The following NTM variants were observed in gnomAD, a reference collection of about 807,000 sequenced individuals.
NTM encodes IgLON family member 2.
Under a neutral mutation model 42.1 loss-of-function variants are expected in NTM, and 13 were observed. The observed-to-expected ratio is 0.31, with a 90% confidence interval of 0.20 to 0.49. The LOEUF is 0.49. Among genes scored for constraint, NTM ranks in the 20% least tolerant of loss-of-function variants. The pLI, the probability that NTM is intolerant of heterozygous loss-of-function variation, is 0.99. For missense variants in NTM, 373 were observed against 452.8 expected (o/e 0.82, Z 1.60); for synonymous variants, 187 against 179.2 (o/e 1.04, Z -0.35).
chr11:131,524,661 G>A lies in NTM; in HGVS notation c.82+153773G>A, dbSNP rs1470591104. Reference sequence around the variant, plus strand: ...GTAAGACCTGCCTGAGTCTGAGACTGGGTTTTCCAGGAGACAGAATCTGAG... The same window carrying A: ...GTAAGACCTGCCTGAGTCTGAGACTAGGTTTTCCAGGAGACAGAATCTGAG... On this transcript the variant is annotated intron_variant, in intron 1 of 8. Coordinates refer to ENST00000683400, the MANE Select transcript of NTM (RefSeq NM_001352005.2). Among the ~76,000 whole-genome samples, 4 of 152,230 alleles carry A rather than the reference G, an allele frequency of 2.6e-5. No homozygotes were observed. In the East Asian group the frequency reaches 7.7e-4, roughly 29 times the overall value.
intron 1 of NTM, among the ~76,000 whole-genome samples, chr11:131,464,853 A>G (rs1951742191): frequency 6.6e-6 from 1 of 152,144 alleles, no homozygotes; most frequent in Non-Finnish European, 1.5e-5. Context: ...TTTTCCTAAA[A>G]TCCCCAAACC....
chr11:131,908,010 A>G (rs919052946), intron 1 of NTM, among the ~76,000 whole-genome samples: 2 of 152,176 alleles, frequency 1.3e-5, no homozygotes, highest in East Asian at 1.9e-4. Flanking sequence ...CTAAACTTCT[A>G]TGTTTGAATA....
intron 1 of NTM, among the ~76,000 whole-genome samples, chr11:131,563,896 C>T (rs1055430070): frequency 6.6e-6 from 1 of 152,068 alleles, no homozygotes; most frequent in Admixed American, 6.5e-5. Flanking sequence ...ACCATCTCTA[C>T]CGTTCCTTCG....
rs534978524 is a variant in NTM at position 131,417,504 on chromosome 11, G to C, written c.82+46616G>C. ...TGTAGCCCTATAGGTATAGGGAAGGGTCTAGCCCTTAGTTCTGACCTGGAG... is the reference window on the plus strand; with the variant it reads ...TGTAGCCCTATAGGTATAGGGAAGGCTCTAGCCCTTAGTTCTGACCTGGAG... On this transcript the variant is annotated intron_variant, in intron 1 of 8. Transcript: ENST00000683400. Among the ~76,000 whole-genome samples the C allele has an allele frequency of 2.6e-5, 4 of 152,278 alleles. No homozygotes were observed. In the South Asian group the frequency reaches 8.3e-4, roughly 32 times the overall value.
chr11:132,163,505 A>G (rs1273046044), intron 3 of NTM, among the ~76,000 whole-genome samples: 1 of 152,246 alleles, frequency 6.6e-6, no homozygotes, highest in Non-Finnish European at 1.5e-5. Context: ...TAATGTTCAA[A>G]CAGCCCTGTG....
intron 1 of NTM, among the ~76,000 whole-genome samples, chr11:131,532,062 A>T (rs10894411): frequency 0.036 from 5,455 of 152,246 alleles, 314 homozygotes; most frequent in East Asian, 0.21. Context: ...ATTTTCATTT[A>T]TTGTAGTAAA....
At chr11:132,105,883 C>T (rs1039779346) in intron 2 of NTM, among the ~76,000 whole-genome samples, 2 of 152,150 alleles carry the variant, frequency 1.3e-5, no homozygotes, top group Admixed American at 6.5e-5. Flanking sequence ...TTCTAGATGG[C>T]ACCTGTGCAT....
chr11:132,264,854 C>T (rs1392864146), intron 4 of NTM, among the ~76,000 whole-genome samples: 1 of 152,188 alleles, frequency 6.6e-6, no homozygotes, highest in Non-Finnish European at 1.5e-5. Flanking sequence ...CTCTGTTGCC[C>T]TCTCATGGAA....
chr11:131,881,121 G>C (rs1339195873), intron 1 of NTM, among the ~76,000 whole-genome samples: 1 of 152,066 alleles, frequency 6.6e-6, no homozygotes, highest in Non-Finnish European at 1.5e-5. Flanking sequence ...TTCCACCCTG[G>C]TTTCATGGCT....
intron 1 of NTM, chr11:131,538,986 GCAGTGATGTAAT>G (rs1157915390): frequency 1.4e-5 from 2 of 145,632 alleles, no homozygotes; most frequent in East Asian, 4.1e-4. Context: ...AGGCTGGAGT[GCAGTGATGTAAT>G]CACAGCTCAC....
chr11:131,540,851 A>G (rs2053133653), intron 1 of NTM: 1 of 152,212 alleles, frequency 6.6e-6, no homozygotes, highest in African/African-American at 2.4e-5. Context: ...CTCATTAGGA[A>G]GCGGTGACAT....
chr11:131,432,836 ATTCTTTTTTTTTTTT>A (rs1948762902), intron 1 of NTM, among the ~76,000 whole-genome samples: 1 of 87,390 alleles, frequency 1.1e-5, no homozygotes, highest in African/African-American at 4.5e-5. Flanking sequence ...AAGATTTAGC[ATTCTTTTTTTTTTTT>A]TTTTTTTTTT....
rs146026674 is a variant in NTM at position 132,301,154 on chromosome 11, A to G, written c.527-6535A>G. On this transcript the variant is annotated intron_variant, in intron 4 of 8. Coordinates refer to ENST00000683400, the MANE Select transcript of NTM (RefSeq NM_001352005.2). ...GCTGGGGAGGCCTCAGGAACTTACA[A>G]TCAGGGCAGAAGGGGAAATAAACAC... Among the ~76,000 whole-genome samples, 101 of 152,276 alleles carry G rather than the reference A, an allele frequency of 6.6e-4. 2 individuals carry two copies. The highest frequency in any genetic ancestry group is 2.0e-3 in the African/African-American group (85 of 41,536).
intron 2 of NTM, among the ~76,000 whole-genome samples, chr11:132,112,126 A>G (rs578099159): frequency 9.2e-5 from 14 of 152,334 alleles, no homozygotes; most frequent in East Asian, 3.9e-4. Flanking sequence ...CTCAAAATGC[A>G]TAGCCTTCTT....
At chr11:131,434,802 C>T (rs1038681268) in intron 1 of NTM, among the ~76,000 whole-genome samples, 3 of 152,152 alleles carry the variant, frequency 2.0e-5, no homozygotes, top group Admixed American at 6.6e-5. Context: ...AATTAGATCC[C>T]ATTTGTCAAT....
At chr11:132,018,746 A>G (rs1391355354) in intron 2 of NTM, among the ~76,000 whole-genome samples, 2 of 151,996 alleles carry the variant, frequency 1.3e-5, no homozygotes, top group Non-Finnish European at 2.9e-5. Context: ...ATAAGTTGAG[A>G]AATTGTTTGA....
intron 2 of NTM, among the ~76,000 whole-genome samples, chr11:132,006,150 G>T (rs11222861): frequency 6.6e-6 from 1 of 152,060 alleles, no homozygotes; most frequent in Non-Finnish European, 1.5e-5. Context: ...CTTGGTGTTC[G>T]CATTCAAGGA....
At chr11:132,099,772 C>G (rs2061422860) in intron 2 of NTM, among the ~76,000 whole-genome samples, 1 of 152,102 alleles carries the variant, frequency 6.6e-6, no homozygotes, top group Non-Finnish European at 1.5e-5. Flanking sequence ...CAAAATGTAC[C>G]CTTTGAGGAG....
intron 2 of NTM, among the ~76,000 whole-genome samples, chr11:132,110,667 A>G (rs11222937): frequency 0.56 from 85,335 of 151,924 alleles, 24,348 homozygotes; most frequent in African/African-American, 0.62. Context: ...CAAAATTTCA[A>G]TGAATCAACA....
Sources: allele counts gnomAD v4.1 joint callset (sites outside exome capture counted in the v4.1 genomes callset), GRCh38; gene constraint gnomAD v4.1.1; transcripts MANE v1.5; gene names NCBI Gene and HGNC (gene_info 2026-07-23, HGNC 2026-07-21).